The following VAV3 variants were observed in gnomAD, a reference collection of about 807,000 sequenced individuals.
The protein encoded by VAV3 is vav guanine nucleotide exchange factor 3.
In VAV3, 94 loss-of-function variants were observed where a neutral mutation model predicts 131.2. The ratio of observed to expected loss-of-function variants is 0.72; its 90% CI spans 0.61 to 0.85. VAV3 has a LOEUF of 0.85. Among genes scored for constraint, VAV3 ranks in the 40% least tolerant of loss-of-function variants. The pLI, the probability that VAV3 is intolerant of heterozygous loss-of-function variation, is 0.00. For missense variants in VAV3, 939 were observed against 1,002.7 expected, an observed-to-expected ratio of 0.94 and a Z score of 0.86; for synonymous variants, 349 against 342.0, an observed-to-expected ratio of 1.02 and a Z score of -0.22.
chr1:107,682,504 T>A (rs1570746012), intron 19 of VAV3, among the ~76,000 whole-genome samples: 1 of 152,050 alleles, frequency 6.6e-6, no homozygotes, highest in Non-Finnish European at 1.5e-5. Flanking sequence ...CCTGTTTTTT[T>A]AATGGCTTCA....
rs2101845879 is a variant in VAV3 at position 107,704,434 on chromosome 1, T to C, written c.1705+116A>G. 3 of 713,544 alleles carry C rather than the reference T, an allele frequency of 4.2e-6. No homozygotes were observed. In the South Asian group the frequency reaches 6.2e-5, roughly 15 times the overall value. The allele number at this position is 713,544 out of a possible 1,614,324, so 44.2% of individuals were successfully genotyped here. ...TCTAATTGTGCTTATAAATAATAGT[T>C]TCAAAAGCAGATATGTTACAATAAA... is the stretch of plus-strand genomic sequence containing the variant. On this transcript the variant is annotated intron_variant, in intron 17 of 26. Coordinates refer to ENST00000370056, the MANE Select transcript of VAV3 (RefSeq NM_006113.5).
At chr1:107,918,705 A>ATATATTT (rs1274987055) in intron 1 of VAV3, among the ~76,000 whole-genome samples, 1 of 76,998 alleles carries the variant, frequency 1.3e-5, no homozygotes, top group African/African-American at 4.6e-5. Flanking sequence ...ATATATATAT[A>ATATATTT]TTTTTTTTTT....
intron 2 of VAV3, among the ~76,000 whole-genome samples, chr1:107,780,477 G>A (rs1281246730): frequency 2.6e-5 from 4 of 152,116 alleles, no homozygotes; most frequent in African/African-American, 9.7e-5. Context: ...TAGTGAGAAA[G>A]CCATTTATCT....
intron 1 of VAV3, among the ~76,000 whole-genome samples, chr1:107,932,857 T>C (rs532805438): frequency 6.6e-6 from 1 of 152,186 alleles, no homozygotes; most frequent in Non-Finnish European, 1.5e-5. Context: ...GAAAATTAAT[T>C]TCCTCCTTGA....
intron 2 of VAV3, among the ~76,000 whole-genome samples, chr1:107,835,577 A>G (rs1390046340): frequency 6.6e-6 from 1 of 152,202 alleles, no homozygotes; most frequent in Non-Finnish European, 1.5e-5. Flanking sequence ...CTCATGGCCT[A>G]GAACACTTAA....
intron 12 of VAV3, among the ~76,000 whole-genome samples, chr1:107,752,371 G>T (rs1035792293): frequency 6.6e-6 from 1 of 152,088 alleles, no homozygotes; most frequent in South Asian, 2.1e-4. Flanking sequence ...AAACATAACA[G>T]TTAAAACTAT....
At chr1:107,961,803 A>G (rs564566550) in intron 1 of VAV3, among the ~76,000 whole-genome samples, 20 of 152,340 alleles carry the variant, frequency 1.3e-4, no homozygotes, top group Admixed American at 5.9e-4. Context: ...ATTTTGAAAG[A>G]TAATCAACTA....
At chr1:107,946,676 A>T (rs762662382) in intron 1 of VAV3, among the ~76,000 whole-genome samples, 2 of 152,242 alleles carry the variant, frequency 1.3e-5, no homozygotes, top group Non-Finnish European at 2.9e-5. Context: ...TCCACAAATA[A>T]GGAGCATATT....
Position 107,717,366 on chromosome 1 carries a change from T to A in VAV3, c.1503-12305A>T, listed in dbSNP as rs189514975. The stretch of plus-strand genomic sequence containing the variant: ...TTTAGATCTTTCCTGCTTTCTCTTG[T>A]GAGCATTTAGTGCTATAAATTTCCC... On this transcript the variant is annotated intron_variant, in intron 15 of 26. Coordinates refer to ENST00000370056, the MANE Select transcript of VAV3 (RefSeq NM_006113.5). Among the ~76,000 whole-genome samples, 21 of 152,368 alleles carry A rather than the reference T, an allele frequency of 1.4e-4. No individual in the cohort carries two copies. In the East Asian group the frequency reaches 3.7e-3, roughly 27 times the overall value.
intron 4 of VAV3, among the ~76,000 whole-genome samples, chr1:107,776,311 CAA>C (rs1272640695): frequency 5.9e-5 from 9 of 152,158 alleles, no homozygotes; most frequent in African/African-American, 2.2e-4. Context: ...CCACACCTCA[CAA>C]AAGTGTACCT....
At chr1:107,647,668 T>C (rs1022376240) in intron 19 of VAV3, among the ~76,000 whole-genome samples, 3 of 152,068 alleles carry the variant, frequency 2.0e-5, no homozygotes, top group African/African-American at 7.2e-5. Context: ...ATAAATTTCC[T>C]AGGTGTGACA....
At chr1:107,814,797 C>CTTATGGAAG (rs1667495080) in intron 2 of VAV3, among the ~76,000 whole-genome samples, 3 of 152,048 alleles carry the variant, frequency 2.0e-5, no homozygotes, top group African/African-American at 7.2e-5. Context: ...ATTCTAGCAG[C>CTTATGGAAG]AATTTGCAGG....
Position 107,708,191 on chromosome 1 carries a change from T to G in VAV3, c.1503-3130A>C, listed in dbSNP as rs577298984. On this transcript the variant is annotated intron_variant, in intron 15 of 26. Transcript: ENST00000370056. ...ATACAGGATTGACATCACATTTAGT[T>G]GAGGAAGAAAAAAAAAAGTTCTGCT... is the stretch of plus-strand genomic sequence containing the variant. Among the ~76,000 whole-genome samples, 9 of 152,070 alleles carry G rather than the reference T, an allele frequency of 5.9e-5. No individual in the cohort carries two copies. In the East Asian group the frequency reaches 1.7e-3, roughly 29 times the overall value.
chr1:107,685,824 T>A (rs577929755), intron 18 of VAV3: 1 of 151,848 alleles, frequency 6.6e-6, no homozygotes, highest in East Asian at 1.9e-4. Context: ...ATGCGTATAC[T>A]CCCCTCCCCA....
chr1:107,961,251 G>T (rs1264699198), intron 1 of VAV3, among the ~76,000 whole-genome samples: 1 of 152,052 alleles, frequency 6.6e-6, no homozygotes, highest in African/African-American at 2.4e-5. Context: ...TAAGACTAAG[G>T]TACTCTCATT....
At chr1:107,931,770 C>G (rs952100664) in intron 1 of VAV3, among the ~76,000 whole-genome samples, 1 of 152,148 alleles carries the variant, frequency 6.6e-6, no homozygotes, top group Admixed American at 6.5e-5. Context: ...CTGAGAGTAA[C>G]AACAACTAGC....
intron 17 of VAV3, among the ~76,000 whole-genome samples, chr1:107,701,075 A>G (rs112152324): frequency 0.018 from 2,695 of 150,156 alleles, 28 homozygotes; most frequent in Middle Eastern, 0.068. Context: ...TTTTTTTCAT[A>G]TATGTGTTAG....
At chr1:107,805,977 G>A (rs1557858434) in intron 2 of VAV3, among the ~76,000 whole-genome samples, 1 of 152,112 alleles carries the variant, frequency 6.6e-6, no homozygotes, top group Admixed American at 6.6e-5. Flanking sequence ...GGCTGGCTCA[G>A]GGTTTGTGCC....
rs578021675 is a variant in VAV3 at position 107,829,144 on chromosome 1, A to G, written c.321+45757T>C. On this transcript the variant is annotated intron_variant, in intron 2 of 26. Transcript: ENST00000370056. ...CAGAGAGATGTTAGTAAAATAAACT[A>G]AATGATTTGTGAAAAGAATTACAAT... 2.8e-4 allele frequency among the ~76,000 whole-genome samples: 43 copies of G among 152,346 alleles called. 1 individual carries two copies. In the East Asian group the frequency reaches 5.6e-3, roughly 20 times the overall value.
Sources: allele counts gnomAD v4.1 joint callset (sites outside exome capture counted in the v4.1 genomes callset), GRCh38; gene constraint gnomAD v4.1.1; transcripts MANE v1.5; gene names NCBI Gene and HGNC (gene_info 2026-07-23, HGNC 2026-07-21).